The following COL8A1 variants were observed in gnomAD, a reference collection of about 807,000 sequenced individuals.
COL8A1 encodes collagen alpha-1(VIII) chain.
COL8A1 carries 21 observed loss-of-function variants against 42.7 expected under a neutral mutation model. The observed-to-expected ratio is 0.49, with a 90% confidence interval of 0.35 to 0.71. The LOEUF (loss-of-function observed/expected upper bound fraction) is 0.71, where lower values mean the gene tolerates loss of function less well. Among genes scored for constraint, COL8A1 ranks in the 30% least tolerant of loss-of-function variants. The pLI is 0.01. For synonymous variants in COL8A1, 367 were observed against 369.1 expected, an observed-to-expected ratio of 0.99 and a Z score of 0.06; for missense variants, 788 against 962.4, an observed-to-expected ratio of 0.82 and a Z score of 2.40.
At chr3:99,732,410 A>G (rs948535431) in intron 1 of COL8A1, among the ~76,000 whole-genome samples, 1 of 152,126 alleles carries the variant, frequency 6.6e-6, no homozygotes, top group Non-Finnish European at 1.5e-5. Context: ...AAGGAAACTT[A>G]CTACAATCAT....
intron 1 of COL8A1, among the ~76,000 whole-genome samples, chr3:99,701,112 T>C (rs1000647090): frequency 1.3e-5 from 2 of 152,208 alleles, no homozygotes; most frequent in African/African-American, 4.8e-5. Flanking sequence ...CACAGCTCAC[T>C]GAGAGAGCAT....
intron 2 of COL8A1, among the ~76,000 whole-genome samples, chr3:99,756,276 A>C (rs1168373654): frequency 6.6e-6 from 1 of 152,090 alleles, no homozygotes; most frequent in African/African-American, 2.4e-5. Flanking sequence ...TTTGAAAGTG[A>C]AAAAGACTTT....
At chr3:99,776,589 A>C (rs1941697437) in intron 2 of COL8A1, among the ~76,000 whole-genome samples, 1 of 152,202 alleles carries the variant, frequency 6.6e-6, no homozygotes, top group South Asian at 2.1e-4. Flanking sequence ...ATGTTACCGG[A>C]AAGGGGTCCC....
At chr3:99,668,412 C>T (rs1243035507) in intron 1 of COL8A1, among the ~76,000 whole-genome samples, 1 of 152,128 alleles carries the variant, frequency 6.6e-6, no homozygotes, top group Non-Finnish European at 1.5e-5. Context: ...GTAAAGTCGT[C>T]ATTTTTACAA....
At chr3:99,735,943 G>A (rs1940697709) in intron 1 of COL8A1, among the ~76,000 whole-genome samples, 1 of 151,928 alleles carries the variant, frequency 6.6e-6, no homozygotes, top group South Asian at 2.1e-4. Flanking sequence ...TTGCATAGAG[G>A]TGTTTGTAGT....
chr3:99,644,299 T>C (rs918953932), intron 1 of COL8A1, among the ~76,000 whole-genome samples: 1 of 152,098 alleles, frequency 6.6e-6, no homozygotes, highest in African/African-American at 2.4e-5. Context: ...GGCCCTCAAG[T>C]GGGAAAGGAA....
chr3:99,664,524 C>A (rs1013953876), intron 1 of COL8A1, among the ~76,000 whole-genome samples: 14 of 151,966 alleles, frequency 9.2e-5, no homozygotes, highest in African/African-American at 2.9e-4. Context: ...ACCTCAAATT[C>A]AATGCAAATC....
chr3:99,794,766 C>G lies in COL8A1; in HGVS notation c.865C>G (p.Pro289Ala). The stretch of plus-strand genomic sequence containing the variant: ...TGGGCCCCAGGGCCCCCTGGGAAAG[C>G]CAGGGGCTCCAGGAGAACCTGGGCC... ...FPGPQGPLGK[P>A]GAPGEPGPQG... Residue 289 changes from proline to alanine, a missense_variant, in exon 4 of 4, where the codon CCA becomes GCA. Transcript: ENST00000652472. The surrounding 1 kb of genome is among the most constrained non-coding windows in gnomAD (Gnocchi z 4.3). 1.3e-6 allele frequency: 2 copies of G among 1,596,658 alleles called. No homozygotes were observed. Among genetic ancestry groups the G allele is most frequent in the Non-Finnish European group, 1.7e-6 (2 of 1,173,822 alleles).
chr3:99,651,694 C>G (rs568429193), intron 1 of COL8A1, among the ~76,000 whole-genome samples: 2 of 152,270 alleles, frequency 1.3e-5, no homozygotes, highest in South Asian at 2.1e-4. Context: ...GAAAATAAGC[C>G]AGAGTGAATC....
At chr3:99,655,186 G>A (rs1413708265) in intron 1 of COL8A1, among the ~76,000 whole-genome samples, 1 of 152,142 alleles carries the variant, frequency 6.6e-6, no homozygotes, top group East Asian at 1.9e-4. Flanking sequence ...CCTGGGGCAA[G>A]TGTCCTCTCA....
intron 2 of COL8A1, among the ~76,000 whole-genome samples, chr3:99,774,151 A>C (rs1246965459): frequency 6.6e-6 from 1 of 151,140 alleles, no homozygotes; most frequent in Non-Finnish European, 1.5e-5. Context: ...AACCCGATAG[A>C]CATATATTTT....
intron 1 of COL8A1, among the ~76,000 whole-genome samples, chr3:99,670,656 A>T (rs1465986275): frequency 6.6e-6 from 1 of 152,030 alleles, no homozygotes; most frequent in Non-Finnish European, 1.5e-5. Context: ...GTTATTTTGA[A>T]CTATACAACA....
intron 1 of COL8A1, among the ~76,000 whole-genome samples, chr3:99,726,424 C>A (rs542349961): frequency 5.9e-4 from 89 of 151,522 alleles, no homozygotes; most frequent in African/African-American, 2.1e-3. Flanking sequence ...AATTAGATCC[C>A]ATTTGTCAAT....
intron 1 of COL8A1, among the ~76,000 whole-genome samples, chr3:99,699,243 C>A (rs927567963): frequency 2.6e-5 from 4 of 152,178 alleles, no homozygotes; most frequent in Admixed American, 2.6e-4. Flanking sequence ...CCAGCCATTT[C>A]TCTCTCATCT....
intron 1 of COL8A1, among the ~76,000 whole-genome samples, chr3:99,722,966 G>A (rs73860419): frequency 0.026 from 3,974 of 150,716 alleles, 160 homozygotes; most frequent in African/African-American, 0.088. Context: ...ATCTGTAGTG[G>A]GTTATCTTAT....
chr3:99,654,835 T>C (rs1937962521), intron 1 of COL8A1, among the ~76,000 whole-genome samples: 1 of 151,620 alleles, frequency 6.6e-6, no homozygotes. Flanking sequence ...CAAGCTATAG[T>C]GGAAGATATT....
intron 2 of COL8A1, among the ~76,000 whole-genome samples, chr3:99,749,324 G>A (rs1182274154): frequency 6.6e-6 from 1 of 151,980 alleles, no homozygotes. Flanking sequence ...AGAACCAAAG[G>A]TCTTAACCAC....
At chr3:99,670,258 A>T (rs1413190260) in intron 1 of COL8A1, among the ~76,000 whole-genome samples, 2 of 152,130 alleles carry the variant, frequency 1.3e-5, no homozygotes, top group Non-Finnish European at 2.9e-5. Flanking sequence ...ATTTAGTAGT[A>T]ACAGCCATAT....
At chr3:99,660,497 C>T (rs888137218) in intron 1 of COL8A1, among the ~76,000 whole-genome samples, 1 of 152,134 alleles carries the variant, frequency 6.6e-6, no homozygotes, top group Non-Finnish European at 1.5e-5. Flanking sequence ...CTTTCCAGCC[C>T]CTAAAACCGG....
Sources: gnomAD v4.1 joint callset for allele counts (sites outside exome capture counted in the v4.1 genomes callset) on GRCh38, gnomAD v4.1.1 for gene constraint, Gnocchi (gnomAD v3.1) non-coding constraint, MANE v1.5 for transcripts, NCBI Gene and HGNC (gene_info 2026-07-23, HGNC 2026-07-21) for gene names.